The following MLIP variants were observed in gnomAD, a reference collection of about 807,000 sequenced individuals.
MLIP encodes muscular LMNA-interacting protein.
Under a neutral mutation model 84.8 loss-of-function variants are expected in MLIP, and 79 were observed. The ratio of observed to expected loss-of-function variants is 0.93; its 90% CI spans 0.78 to 1.12. The LOEUF (loss-of-function observed/expected upper bound fraction) is 1.12, where lower values mean the gene tolerates loss of function less well. Among genes scored for constraint, MLIP ranks in the 50% most tolerant of loss-of-function variants. The pLI, the probability that MLIP is intolerant of heterozygous loss-of-function variation, is 0.00. For missense variants in MLIP, 1,257 were observed against 1,160.6 expected (o/e 1.08, Z -1.21); for synonymous variants, 504 against 463.0 (o/e 1.09, Z -1.14).
At chr6:54,215,921 A>G (rs1017230021) in intron 11 of MLIP, 4 of 156,076 alleles carry the variant, frequency 2.6e-5, no homozygotes, top group Non-Finnish European at 5.6e-5. Flanking sequence ...GAGATCACGC[A>G]ATATTTGTCC....
rs1013456669 is a variant in MLIP at position 54,077,352 on chromosome 6, G to A, written c.64-44095G>A. On this transcript the variant is annotated intron_variant, in intron 1 of 12. Coordinates refer to the MLIP transcript ENST00000274897. ...AGACAACAGGTAAATGGAAGGATAA[G>A]GCTGTTTTCCAATAAAACTTCATTA... Among the ~76,000 whole-genome samples, 3 of 151,646 alleles carry A rather than the reference G, an allele frequency of 2.0e-5. No homozygotes were observed. In the South Asian group the frequency reaches 6.2e-4, roughly 32 times the overall value.
At chr6:54,208,386 G>T (rs1049230951) in intron 11 of MLIP, among the ~76,000 whole-genome samples, 1 of 151,994 alleles carries the variant, frequency 6.6e-6, no homozygotes, top group African/African-American at 2.4e-5. Flanking sequence ...AGGAGTCTGA[G>T]ACCAGCCTGA....
At chr6:54,093,324 G>C (rs907961693) in intron 1 of MLIP, among the ~76,000 whole-genome samples, 1 of 91,504 alleles carries the variant, frequency 1.1e-5, no homozygotes, top group Non-Finnish European at 2.4e-5. Flanking sequence ...ATATATTTTC[G>C]ATTAAATTCT....
intron 1 of MLIP, among the ~76,000 whole-genome samples, chr6:54,023,752 T>C (rs2150265776): frequency 6.6e-6 from 1 of 152,124 alleles, no homozygotes; most frequent in South Asian, 2.1e-4. Context: ...GTATTTTTAG[T>C]AGAGACTGGG....
chr6:54,069,766 C>T (rs1471445464), intron 1 of MLIP, among the ~76,000 whole-genome samples: 1 of 98,882 alleles, frequency 1.0e-5, no homozygotes, highest in African/African-American at 2.6e-5. Context: ...CAACTTCACA[C>T]AAAAATTTAA....
rs987643431 is a variant in MLIP at position 54,151,978 on chromosome 6, A to G, written c.2289+2851A>G. Among the ~76,000 whole-genome samples, 130 of 152,110 alleles carry G rather than the reference A, an allele frequency of 8.5e-4. 2 individuals are homozygous for G. Among genetic ancestry groups the G allele is most frequent in the Non-Finnish European group, 2.4e-4 (16 of 68,002 alleles). On this transcript the variant is annotated intron_variant, in intron 5 of 13. Coordinates refer to ENST00000502396, the MANE Select transcript of MLIP (RefSeq NM_001281747.2). ...TGGCAGGGAACATGAGGTTTCTGGTACTTCTGTTCTGTAATTTATTGTCTG... is the reference window on the plus strand; with the variant it reads ...TGGCAGGGAACATGAGGTTTCTGGTGCTTCTGTTCTGTAATTTATTGTCTG...
At chr6:54,114,593 A>G (rs183784124) in intron 1 of MLIP, among the ~76,000 whole-genome samples, 70 of 152,188 alleles carry the variant, frequency 4.6e-4, no homozygotes, top group Non-Finnish European at 9.4e-4. Context: ...TCAACTCACC[A>G]GTTTTTCTCC....
At chr6:54,087,473 A>T (rs908740645) in intron 1 of MLIP, among the ~76,000 whole-genome samples, 3 of 152,206 alleles carry the variant, frequency 2.0e-5, no homozygotes, top group African/African-American at 7.2e-5. Context: ...GCAAAAAAGA[A>T]ACATAAAAAA....
intron 1 of MLIP, among the ~76,000 whole-genome samples, chr6:54,113,781 A>T (rs1769677454): frequency 1.3e-5 from 2 of 152,148 alleles, no homozygotes; most frequent in African/African-American, 4.8e-5. Context: ...TCAAACAGTC[A>T]TCATAGTATC....
intron 1 of MLIP, 120 bp downstream of exon 1, chr6:54,111,695 A>G: frequency 1.2e-5 from 12 of 1,029,006 alleles, no homozygotes; most frequent in African/African-American, 1.6e-5. Flanking sequence ...TTGTATGTAT[A>G]TTGAAATGAA....
At chr6:54,084,901 T>C (rs1240124059) in intron 1 of MLIP, among the ~76,000 whole-genome samples, 1 of 152,230 alleles carries the variant, frequency 6.6e-6, no homozygotes, top group African/African-American at 2.4e-5. Context: ...AAGTTGTATA[T>C]GTCGAGACTT....
chr6:54,194,561 TG>T (rs1778164788), intron 10 of MLIP, among the ~76,000 whole-genome samples: 1 of 152,140 alleles, frequency 6.6e-6, no homozygotes. Context: ...AACTTTTTTT[TG>T]GAAAAACACA....
intron 1 of MLIP, among the ~76,000 whole-genome samples, chr6:54,094,463 T>C (rs1364057654): frequency 6.6e-6 from 1 of 152,182 alleles, no homozygotes; most frequent in Non-Finnish European, 1.5e-5. Context: ...GGGATTTCTG[T>C]TTCTTCCTAA....
intron 4 of MLIP, among the ~76,000 whole-genome samples, chr6:54,141,550 G>A (rs191906849): frequency 1.3e-5 from 2 of 151,932 alleles, no homozygotes; most frequent in Non-Finnish European, 2.9e-5. Context: ...CAAGTGATCC[G>A]CCTGCCTCGG....
chr6:54,107,650 G>A (rs1769114863), upstream of MLIP, among the ~76,000 whole-genome samples: 1 of 152,218 alleles, frequency 6.6e-6, no homozygotes, highest in Non-Finnish European at 1.5e-5. Flanking sequence ...CATGCAGTCT[G>A]TGTTCAGCAC....
intron 10 of MLIP, among the ~76,000 whole-genome samples, chr6:54,192,791 G>C (rs1778039336): frequency 6.6e-6 from 1 of 152,022 alleles, no homozygotes; most frequent in South Asian, 2.1e-4. Flanking sequence ...CTTTATAGTT[G>C]AATTATATAA....
intron 11 of MLIP, among the ~76,000 whole-genome samples, chr6:54,210,475 TAGAA>T (rs1390248413): frequency 6.6e-6 from 1 of 152,246 alleles, no homozygotes; most frequent in Non-Finnish European, 1.5e-5. Flanking sequence ...AAATAAATGT[TAGAA>T]AGAGCCCATA....
In MLIP at chr6:54,151,600, G is replaced by A. The variant is rs115171484; in HGVS notation, c.2289+2473G>A. ...AACACCACAATTCAGGGGTAGGTAA[G>A]GTTGTAGACTCATTATAATACTTGG... On this transcript the variant is annotated intron_variant, in intron 5 of 13. Transcript: ENST00000502396. 8.0e-3 allele frequency among the ~76,000 whole-genome samples: 1,214 copies of A among 152,230 alleles called. 17 individuals carry two copies. Among genetic ancestry groups the A allele is most frequent in the African/African-American group, 0.027 (1,128 of 41,550 alleles).
chr6:54,049,861 T>A (rs1765277928), intron 1 of MLIP, among the ~76,000 whole-genome samples: 1 of 152,138 alleles, frequency 6.6e-6, no homozygotes. Context: ...AATTAAAGAG[T>A]TTAATCCCTT....
Sources: allele counts gnomAD v4.1 joint callset (sites outside exome capture counted in the v4.1 genomes callset), GRCh38; gene constraint gnomAD v4.1.1; transcripts MANE v1.5; gene names NCBI Gene and HGNC (gene_info 2026-07-23, HGNC 2026-07-21).